SLC24A3: variants seen among roughly 807,000 people sequenced by gnomAD.
SLC24A3 encodes the protein solute carrier family 24 member 3.
A neutral mutation model predicts 75.8 loss-of-function variants in SLC24A3; 28 were observed. That is an observed-to-expected ratio of 0.37 (90% CI 0.27 to 0.51). SLC24A3 has a LOEUF of 0.51. SLC24A3 is among the 20% of genes least tolerant of loss of function. The pLI, the probability that SLC24A3 is intolerant of heterozygous loss-of-function variation, is 0.94. For synonymous variants in SLC24A3, 372 were observed against 334.1 expected (o/e 1.11, Z -1.24); for missense variants, 663 against 847.8 (o/e 0.78, Z 2.71).
chr20:19,614,820 T>A (rs1301702566), intron 6 of SLC24A3, among the ~76,000 whole-genome samples: 1 of 152,186 alleles, frequency 6.6e-6, no homozygotes, highest in Non-Finnish European at 1.5e-5. Flanking sequence ...ACACTAAGAC[T>A]GGTAATCAAT....
chr20:19,701,452 T>G (rs2032871869), intron 15 of SLC24A3, among the ~76,000 whole-genome samples: 1 of 152,204 alleles, frequency 6.6e-6, no homozygotes, highest in Non-Finnish European at 1.5e-5. Context: ...CCTTCAGTAA[T>G]GCAGTCTTCT....
chr20:19,256,290 A>G (rs1183178761), intron 1 of SLC24A3, among the ~76,000 whole-genome samples: 1 of 152,204 alleles, frequency 6.6e-6, no homozygotes, highest in African/African-American at 2.4e-5. Context: ...GCAGCTCCAT[A>G]GAGACAGAAA....
At chr20:19,270,739 G>C (rs1436308057) in intron 1 of SLC24A3, among the ~76,000 whole-genome samples, 1 of 151,984 alleles carries the variant, frequency 6.6e-6, no homozygotes, top group Admixed American at 6.6e-5. Context: ...CCCCATATTG[G>C]ACATTGTATG....
At chr20:19,312,153 G>T (rs541409449) in intron 2 of SLC24A3, among the ~76,000 whole-genome samples, 14 of 152,198 alleles carry the variant, frequency 9.2e-5, no homozygotes, top group Non-Finnish European at 1.3e-4. Context: ...GTGGCAGTGG[G>T]TGTCCCTCAG....
At position 19,616,063 on chromosome 20, in the gene SLC24A3, A is replaced by G. The variant is rs530214779; in HGVS notation, c.612+30519A>G. ...CCCTCTGAGACCCCTAACTAATACA[A>G]TGCCTGTGAAAGGAAAGGAGAGGAA... On this transcript the variant is annotated intron_variant, in intron 6 of 16. Transcript: ENST00000328041. Among the ~76,000 whole-genome samples, 16 of 152,308 alleles carry G rather than the reference A, an allele frequency of 1.1e-4. No homozygotes were observed. In the South Asian group the frequency reaches 3.3e-3, roughly 32 times the overall value.
intron 2 of SLC24A3, among the ~76,000 whole-genome samples, chr20:19,373,932 G>C (rs1004821890): frequency 6.6e-6 from 1 of 152,178 alleles, no homozygotes; most frequent in Non-Finnish European, 1.5e-5. Flanking sequence ...GTTAATCACA[G>C]CTTCTTTCAG....
intron 2 of SLC24A3, among the ~76,000 whole-genome samples, chr20:19,306,094 A>C (rs1449178562): frequency 6.6e-6 from 1 of 152,354 alleles, no homozygotes; most frequent in East Asian, 1.9e-4. Flanking sequence ...AAAAGAAGAC[A>C]TACGTGTGGC....
intron 6 of SLC24A3, among the ~76,000 whole-genome samples, chr20:19,601,664 G>A (rs3790272): frequency 6.6e-6 from 1 of 151,962 alleles, no homozygotes; most frequent in Non-Finnish European, 1.5e-5. Context: ...CTCCTGAGAC[G>A]TCAGAATGTT....
intron 1 of SLC24A3, among the ~76,000 whole-genome samples, chr20:19,226,233 A>G (rs1401780549): frequency 1.3e-5 from 2 of 152,172 alleles, no homozygotes; most frequent in African/African-American, 4.8e-5. Context: ...TTGATTTTCA[A>G]ATACGGAATC....
At chr20:19,348,581 C>T (rs976361629) in intron 2 of SLC24A3, among the ~76,000 whole-genome samples, 1 of 152,220 alleles carries the variant, frequency 6.6e-6, no homozygotes, top group East Asian at 1.9e-4. Context: ...GCCCCCAATG[C>T]CTAATAACAT....
At chr20:19,517,927 C>G (rs1011779392) in intron 3 of SLC24A3, among the ~76,000 whole-genome samples, 1 of 152,186 alleles carries the variant, frequency 6.6e-6, no homozygotes, top group African/African-American at 2.4e-5. Context: ...GGCCCAAGAT[C>G]AAATCTTGTT....
intron 1 of SLC24A3, among the ~76,000 whole-genome samples, chr20:19,249,758 G>T (rs972004367): frequency 1.3e-5 from 2 of 152,160 alleles, no homozygotes; most frequent in African/African-American, 2.4e-5. Context: ...GTTAGTCATG[G>T]ATCATGGTGC....
chr20:19,243,024 CTG>C (rs1481070218), intron 1 of SLC24A3, among the ~76,000 whole-genome samples: 2 of 152,088 alleles, frequency 1.3e-5, no homozygotes, highest in East Asian at 1.9e-4. Context: ...CAGAAAGTGT[CTG>C]TCTCTTTAAA....
At chr20:19,611,527 C>T (rs770104955) in intron 6 of SLC24A3, among the ~76,000 whole-genome samples, 15 of 152,192 alleles carry the variant, frequency 9.9e-5, no homozygotes, top group Non-Finnish European at 1.9e-4. Flanking sequence ...ATATACCTGG[C>T]TGCAGCAGAG....
At chr20:19,343,385 A>G (rs1191190526) in intron 2 of SLC24A3, among the ~76,000 whole-genome samples, 1 of 152,202 alleles carries the variant, frequency 6.6e-6, no homozygotes, top group Non-Finnish European at 1.5e-5. Context: ...TATGTGGATA[A>G]TAAAAGGACC....
chr20:19,714,131 CGTGGCTCATGCTT>C (rs2033018329), intron 15 of SLC24A3, among the ~76,000 whole-genome samples: 1 of 152,112 alleles, frequency 6.6e-6, no homozygotes, highest in Admixed American at 6.6e-5. Context: ...AGCCAGATGC[CGTGGCTCATGCTT>C]GTAATTCCAG....
chr20:19,419,153 CAAAG>C (rs1442250978), intron 2 of SLC24A3, among the ~76,000 whole-genome samples: 1 of 152,126 alleles, frequency 6.6e-6, no homozygotes, highest in Non-Finnish European at 1.5e-5. Flanking sequence ...AACTCATAAA[CAAAG>C]AAGGAAGGAA....
At chr20:19,330,489 A>C (rs4273284) in intron 2 of SLC24A3, among the ~76,000 whole-genome samples, 20,757 of 152,208 alleles carry the variant, frequency 0.14, 3,323 homozygotes, top group African/African-American at 0.36. Context: ...CACTGGCCAA[A>C]TATGGTATAT....
At chr20:19,374,832 C>T (rs557971945) in intron 2 of SLC24A3, among the ~76,000 whole-genome samples, 1 of 152,296 alleles carries the variant, frequency 6.6e-6, no homozygotes, top group East Asian at 1.9e-4. Context: ...CTCTGGCCTC[C>T]TAAGTGTAGC....
Sources: gnomAD v4.1 joint callset for allele counts (sites outside exome capture counted in the v4.1 genomes callset) on GRCh38, gnomAD v4.1.1 for gene constraint, MANE v1.5 for transcripts, NCBI Gene and HGNC (gene_info 2026-07-23, HGNC 2026-07-21) for gene names.